The following STIMATE variants were observed in gnomAD, a reference collection of about 807,000 sequenced individuals.
STIMATE encodes STIM activating enhancer, also known as store-operated calcium entry regulator STIMATE.
Under a neutral mutation model 36.7 loss-of-function variants are expected in STIMATE, and 15 were observed. That is an observed-to-expected ratio of 0.41 (90% CI 0.27 to 0.63). STIMATE has a LOEUF of 0.63. STIMATE is among the 20% of genes least tolerant of loss of function. The probability of loss-of-function intolerance (pLI) is 0.32; values close to 1 mark genes in which losing one functional copy is unlikely to be tolerated. For synonymous variants in STIMATE, 163 were observed against 162.3 expected (o/e 1.00, Z -0.03); for missense variants, 305 against 397.3 (o/e 0.77, Z 1.98).
chr3:52,893,760 A>C (rs1324028426), intron 1 of STIMATE, among the ~76,000 whole-genome samples: 1 of 152,252 alleles, frequency 6.6e-6, no homozygotes, highest in Non-Finnish European at 1.5e-5. Flanking sequence ...CATGTCTATA[A>C]CAAAAATAGG....
chr3:52,845,721 T>C (rs1700883133), intron 4 of STIMATE, among the ~76,000 whole-genome samples: 1 of 152,024 alleles, frequency 6.6e-6, no homozygotes, highest in Non-Finnish European at 1.5e-5. Context: ...CCAGGACATT[T>C]TGAACGGAGA....
chr3:52,872,101 G>A (rs1701418101), intron 1 of STIMATE, among the ~76,000 whole-genome samples: 2 of 152,160 alleles, frequency 1.3e-5, no homozygotes, highest in South Asian at 2.1e-4. Flanking sequence ...TCAACCACGG[G>A]TGTGCTTGTC....
chr3:52,867,420 T>G (rs1439278088), intron 1 of STIMATE, among the ~76,000 whole-genome samples: 1 of 152,156 alleles, frequency 6.6e-6, no homozygotes, highest in African/African-American at 2.4e-5. Context: ...CATGAGCAGG[T>G]TTCCCAACTC....
At chr3:52,851,769 C>G (rs918740517) in intron 3 of STIMATE, among the ~76,000 whole-genome samples, 3 of 152,216 alleles carry the variant, frequency 2.0e-5, no homozygotes, top group African/African-American at 7.2e-5. Flanking sequence ...CTACTGTGTG[C>G]CATGCCTTGG....
At chr3:52,851,220 C>T (rs1165330803) in intron 3 of STIMATE, among the ~76,000 whole-genome samples, 1 of 152,342 alleles carries the variant, frequency 6.6e-6, no homozygotes, top group East Asian at 1.9e-4. Context: ...GCCTTGTACC[C>T]AGATCCAGCT....
chr3:52,859,669 C>T (rs1701180666), intron 1 of STIMATE, among the ~76,000 whole-genome samples: 1 of 146,582 alleles, frequency 6.8e-6, no homozygotes, highest in Admixed American at 6.8e-5. Flanking sequence ...AAGTGAAACC[C>T]TGATTCAAAA....
intron 1 of STIMATE, among the ~76,000 whole-genome samples, chr3:52,859,165 A>AAAAAT (rs1701159989): frequency 6.8e-6 from 1 of 147,240 alleles, no homozygotes; most frequent in Non-Finnish European, 1.5e-5. Flanking sequence ...TCCATCTCAA[A>AAAAAT]AAAAATAAAA....
chr3:52,841,254 A>G (rs1310101202), intron 7 of STIMATE, among the ~76,000 whole-genome samples: 1 of 152,250 alleles, frequency 6.6e-6, no homozygotes, highest in Non-Finnish European at 1.5e-5. Flanking sequence ...AAAAAGCTCA[A>G]CCATGACACA....
chr3:52,842,955 C>T lies in STIMATE; in HGVS notation c.624G>A (p.Leu208=). 1 of 1,614,208 alleles carries T rather than the reference C, an allele frequency of 6.2e-7. No homozygotes were observed. Among genetic ancestry groups the T allele is most frequent in the Non-Finnish European group, 8.5e-7 (1 of 1,180,038 alleles). Residue 208 remains leucine (L), a synonymous_variant, in exon 7 of 8, where the codon TTG becomes TTA. Transcript: ENST00000355083. ...GGAAATTGTCCACTACCCAAAACAT[C>T]AAAGCCTGTGGGAAGGAAAAGTGCA... The part of the protein sequence containing the change: ...MLIVPFFVNA[L]MFWVVDNFLM...
At chr3:52,843,405 T>C (rs556972423) in intron 6 of STIMATE, among the ~76,000 whole-genome samples, 4 of 152,164 alleles carry the variant, frequency 2.6e-5, no homozygotes, top group Non-Finnish European at 2.9e-5. Flanking sequence ...GAATGAACGA[T>C]GGGTACGTTT....
intron 1 of STIMATE, among the ~76,000 whole-genome samples, chr3:52,869,414 C>G (rs558092111): frequency 1.6e-4 from 24 of 152,244 alleles, no homozygotes; most frequent in Non-Finnish European, 2.9e-4. Flanking sequence ...TGCTGTCACT[C>G]ATACTGTCCC....
intron 1 of STIMATE, among the ~76,000 whole-genome samples, chr3:52,871,773 C>T (rs541741926): frequency 6.6e-6 from 1 of 152,300 alleles, no homozygotes; most frequent in South Asian, 2.1e-4. Context: ...AGTCCAACTT[C>T]ACATTTAAGA....
chr3:52,843,538 T>G (rs1167958919), intron 6 of STIMATE, among the ~76,000 whole-genome samples, 183 bp downstream of exon 6: 1 of 152,020 alleles, frequency 6.6e-6, no homozygotes, highest in Non-Finnish European at 1.5e-5. Context: ...AGCCCTGGTA[T>G]GGGGCCCTGC....
chr3:52,887,079 G>GA (rs1013693513), intron 1 of STIMATE, among the ~76,000 whole-genome samples: 7 of 151,708 alleles, frequency 4.6e-5, no homozygotes, highest in African/African-American at 1.5e-4. Flanking sequence ...TGGACCAGGA[G>GA]AAAAAAAAGC....
intron 1 of STIMATE, among the ~76,000 whole-genome samples, chr3:52,864,008 T>A (rs1417880740): frequency 6.6e-6 from 1 of 152,230 alleles, no homozygotes; most frequent in Admixed American, 6.5e-5. Flanking sequence ...GTCTGCAGGT[T>A]TTCCAGGCTA....
chr3:52,878,990 C>A (rs3821873), intron 1 of STIMATE, among the ~76,000 whole-genome samples: 1 of 151,880 alleles, frequency 6.6e-6, no homozygotes, highest in Non-Finnish European at 1.5e-5. Context: ...TTTACTCAAG[C>A]AAAAAAACTC....
chr3:52,844,241 AT>A (rs1285862957), intron 5 of STIMATE, among the ~76,000 whole-genome samples: 1 of 152,222 alleles, frequency 6.6e-6, no homozygotes, highest in African/African-American at 2.4e-5. Flanking sequence ...GCCTTGGCTT[AT>A]TTTCTTAAAT....
rs954033134 is a variant in STIMATE at position 52,868,037 on chromosome 3, C to T, written c.161-12593G>A. Among the ~76,000 whole-genome samples the T allele has an allele frequency of 2.0e-5, 3 of 152,226 alleles. No individual in the cohort carries two copies. The South Asian group carries it at 6.2e-4, about 32-fold the overall frequency. ...TGTCCTGAGGGGTGAGCAAATCTAT[C>T]TGCTGGAGGGAACCAGCAGTCAAGG... On this transcript the variant is annotated intron_variant, in intron 1 of 7. Coordinates refer to ENST00000355083, the MANE Select transcript of STIMATE (RefSeq NM_198563.5).
chr3:52,893,432 C>A (rs909461477), intron 1 of STIMATE, among the ~76,000 whole-genome samples: 1 of 150,996 alleles, frequency 6.6e-6, no homozygotes, highest in Non-Finnish European at 1.5e-5. Context: ...ACTGCTAAAT[C>A]TAGGTAGAGG....
Sources: gnomAD v4.1 joint callset for allele counts (sites outside exome capture counted in the v4.1 genomes callset) on GRCh38, gnomAD v4.1.1 for gene constraint, MANE v1.5 for transcripts, NCBI Gene and HGNC (gene_info 2026-07-23, HGNC 2026-07-21) for gene names.